PCDHGB2: variants seen among roughly 807,000 people sequenced by gnomAD.
PCDHGB2 encodes protocadherin gamma subfamily B, 2.
A neutral mutation model predicts 59.3 loss-of-function variants in PCDHGB2; 55 were observed. That is an observed-to-expected ratio of 0.93 (90% CI 0.75 to 1.16). The LOEUF is 1.16. Among genes scored for constraint, PCDHGB2 ranks in the 50% most tolerant of loss-of-function variants. PCDHGB2 has a pLI of 0.00. For synonymous variants in PCDHGB2, 516 were observed against 512.0 expected (o/e 1.01, Z -0.11); for missense variants, 1,228 against 1,198.5 (o/e 1.02, Z -0.36).
At chr5:141,504,785 G>A (rs1439244687) in intron 2 of PCDHGB2, among the ~76,000 whole-genome samples, 1 of 151,964 alleles carries the variant, frequency 6.6e-6, no homozygotes, top group East Asian at 1.9e-4. Context: ...GTCTCTTGGG[G>A]CCTCCTACAT....
chr5:141,382,839 T>A lies in PCDHGB2; in HGVS notation c.2421+20283T>A. 4 of 1,450,270 alleles carry A rather than the reference T, an allele frequency of 2.8e-6. No individual in the cohort carries two copies. In the South Asian group the frequency reaches 5.5e-5, roughly 20 times the overall value. 89.8% of individuals were successfully genotyped at this position (1,450,270 alleles called of 1,614,324 possible). A position where few individuals can be genotyped will look rare whatever the true frequency, so the allele number is the denominator to read the frequency against. On this transcript the variant is annotated intron_variant, in intron 1 of 3. Coordinates refer to ENST00000522605, the MANE Select transcript of PCDHGB2 (RefSeq NM_018923.3). ...CCTAAGACAGAGGGGTCCACCCGGA[T>A]ACACCCGCATTCTGAAGCACTTCCC...
At chr5:141,388,278 A>C (rs769879098) in intron 1 of PCDHGB2, 2 of 1,613,384 alleles carry the variant, frequency 1.2e-6, no homozygotes, top group African/African-American at 2.7e-5. Context: ...CCACACGCCA[A>C]AATTCACGCA....
rs1456184444 is a variant in PCDHGB2, at chr5:141,512,578, C to T, written c.*1405C>T. On this transcript the variant is annotated 3_prime_UTR_variant, in exon 4 of 4. Coordinates refer to ENST00000522605, the MANE Select transcript of PCDHGB2 (RefSeq NM_018923.3). ...ATAGACCTTCTTCTCCCACCCCCTT[C>T]TGCCCCTGGGTCCCCGGCCATCCAG... is the stretch of plus-strand genomic sequence containing the variant. 1 of 152,944 alleles carries T rather than the reference C, an allele frequency of 6.5e-6. No homozygotes were observed. The highest frequency in any genetic ancestry group is 1.5e-5 in the Non-Finnish European group (1 of 68,542). 9.5% of individuals were successfully genotyped at this position (152,944 alleles called of 1,614,324 possible). A position where few individuals can be genotyped will look rare whatever the true frequency, so the allele number is the denominator to read the frequency against.
intron 1 of PCDHGB2, chr5:141,379,151 G>A (rs1015357697): frequency 4.6e-5 from 7 of 152,166 alleles, no homozygotes; most frequent in Admixed American, 6.5e-5. Flanking sequence ...TTTGTAACCT[G>A]ACTTTGTCAG....
intron 1 of PCDHGB2, chr5:141,372,781 T>C: frequency 6.2e-7 from 1 of 1,608,572 alleles, no homozygotes; most frequent in Non-Finnish European, 8.5e-7. Context: ...AATCCAGAAA[T>C]GCCTTCTAAT....
At chr5:141,494,991 G>A in intron 2 of PCDHGB2, 126 bp downstream of exon 2, 1 of 1,551,148 alleles carries the variant, frequency 6.4e-7, no homozygotes, top group Non-Finnish European at 8.7e-7. Context: ...AGATCCCAGG[G>A]AGGTCTTGGT....
chr5:141,412,183 C>A (rs1243084028), intron 1 of PCDHGB2: 1 of 152,188 alleles, frequency 6.6e-6, no homozygotes, highest in African/African-American at 2.4e-5. Context: ...GGTATTAATG[C>A]TCTGATGAAA....
intron 1 of PCDHGB2, chr5:141,395,450 C>A: frequency 1.6e-6 from 1 of 643,034 alleles, no homozygotes; most frequent in Non-Finnish European, 2.5e-6. Flanking sequence ...AAAGATTGTT[C>A]AACCATTTTA....
rs1385408442 is a variant in PCDHGB2 at position 141,487,321 on chromosome 5, T to A, written c.2422-7486T>A. 1 of 1,614,198 alleles carries A rather than the reference T, an allele frequency of 6.2e-7. No homozygotes were observed. The highest frequency in any genetic ancestry group is 1.7e-5 in the Admixed American group (1 of 60,032). ...TCGTGGCACTACTCTCTAAGTGTCT[T>A]CGTGGGGCAGCCTGTGGAGTCACAT... is the stretch of plus-strand genomic sequence containing the variant. On this transcript the variant is annotated intron_variant, in intron 1 of 3. Transcript: ENST00000522605. This position sits in a 1 kb window ranked among gnomAD's most constrained non-coding sequence, Gnocchi z 5.0.
At chr5:141,415,288 T>C in intron 1 of PCDHGB2, 6 of 1,614,202 alleles carry the variant, frequency 3.7e-6, no homozygotes, top group Non-Finnish European at 5.1e-6. Flanking sequence ...GGCCGCGGTC[T>C]CCTGCGTCTT....
At chr5:141,414,244 T>A in intron 1 of PCDHGB2, 1 of 1,613,526 alleles carries the variant, frequency 6.2e-7, no homozygotes, top group Admixed American at 1.7e-5. Context: ...CACGTCTCTA[T>A]TTAGTCCAGT....
At position 141,476,978 on chromosome 5, in the gene PCDHGB2, C is replaced by T; in HGVS notation, c.2422-17829C>T. 2 of 1,614,256 alleles carry T rather than the reference C, an allele frequency of 1.2e-6. No homozygotes were observed. Among genetic ancestry groups the T allele is most frequent in the Non-Finnish European group, 1.7e-6 (2 of 1,180,058 alleles). ...TATTTACTCCTTCGGCAGCCACAAC[C>T]GCGCCGGCGTGCGGCAACTATTCGC... On this transcript the variant is annotated intron_variant, in intron 1 of 3. Coordinates refer to ENST00000522605, the MANE Select transcript of PCDHGB2 (RefSeq NM_018923.3). This position sits in a 1 kb window ranked among gnomAD's most constrained non-coding sequence, Gnocchi z 7.6.
chr5:141,374,543 C>T (rs755927894), intron 1 of PCDHGB2: 3 of 1,613,376 alleles, frequency 1.9e-6, no homozygotes, highest in South Asian at 1.1e-5. Context: ...TCGTTTTCCA[C>T]TAATGGAGGT....
rs941098912 is a variant in PCDHGB2 at position 141,360,028 on chromosome 5, A to G, written c.-108A>G. The G allele has an allele frequency of 2.2e-6, 3 of 1,360,158 alleles. No individual in the cohort carries two copies. The highest frequency in any genetic ancestry group is 2.9e-6 in the Non-Finnish European group (3 of 1,022,992). The allele number at this position is 1,360,158 out of a possible 1,614,324, so 84.3% of individuals were successfully genotyped here. A position where few individuals can be genotyped will look rare whatever the true frequency, so the allele number is the denominator to read the frequency against. On this transcript the variant is annotated 5_prime_UTR_variant, in exon 1 of 4. It adds an upstream start codon to the 5' untranslated region. Transcript: ENST00000522605. ...CCAACCACACAGAGAAGGCCAGTAT[A>G]GATTCGGAAACAGAAAACAAAAGCA...
chr5:141,490,584 T>G lies in PCDHGB2; in HGVS notation c.2422-4223T>G, dbSNP rs751060540. 1 of 1,614,170 alleles carries G rather than the reference T, an allele frequency of 6.2e-7. No individual in the cohort carries two copies. Among genetic ancestry groups the G allele is most frequent in the South Asian group, 1.1e-5 (1 of 91,080 alleles). ...TCAGGCTCAACATTTCAGATGTCAA[T>G]GACAATGCACCCCGCTTCAACCAGC... On this transcript the variant is annotated intron_variant, in intron 1 of 3. Transcript: ENST00000522605. This position sits in a 1 kb window ranked among gnomAD's most constrained non-coding sequence, Gnocchi z 5.4.
At chr5:141,367,537 A>AAAGT (rs373624904) in intron 1 of PCDHGB2, 2,027 of 147,518 alleles carry the variant, frequency 0.014, 47 homozygotes, top group African/African-American at 0.049. Flanking sequence ...ACTCCGTCTC[A>AAAGT]AAATAAATAA....
intron 1 of PCDHGB2, chr5:141,366,846 TA>T: frequency 6.8e-7 from 1 of 1,476,346 alleles, no homozygotes; most frequent in Non-Finnish European, 9.1e-7. Context: ...GTTATGTAAA[TA>T]GTGGAACATT....
At chr5:141,372,292 G>T in intron 1 of PCDHGB2, 1 of 1,613,282 alleles carries the variant, frequency 6.2e-7, no homozygotes, top group Non-Finnish European at 8.5e-7. Context: ...CGTACCTTGG[G>T]CGACAGGGAG....
At chr5:141,364,463 G>T (rs1561530846) in intron 1 of PCDHGB2, 2 of 1,614,000 alleles carry the variant, frequency 1.2e-6, no homozygotes, top group Admixed American at 1.7e-5. Context: ...AGGCTCCTTC[G>T]TCGGCAACAT....
Sources: allele counts gnomAD v4.1 joint callset (sites outside exome capture counted in the v4.1 genomes callset), GRCh38; gene constraint gnomAD v4.1.1; non-coding constraint Gnocchi (gnomAD v3.1); transcripts MANE v1.5; gene names NCBI Gene and HGNC (gene_info 2026-07-23, HGNC 2026-07-21).